KALRN: variants seen among roughly 807,000 people sequenced by gnomAD.
The protein encoded by KALRN is kalirin.
Under a neutral mutation model 353.7 loss-of-function variants are expected in KALRN, and 70 were observed. The ratio of observed to expected loss-of-function variants is 0.20; its 90% CI spans 0.16 to 0.24. KALRN has a LOEUF of 0.24. KALRN is among the 10% of genes least tolerant of loss of function. The pLI is 1.00. For missense variants in KALRN, 2,791 were observed against 3,756.7 expected, an observed-to-expected ratio of 0.74 and a Z score of 6.72; for synonymous variants, 1,391 against 1,434.8, an observed-to-expected ratio of 0.97 and a Z score of 0.69.
At chr3:124,603,544 G>GGTCATGCCA (rs2077023169) in intron 34 of KALRN, among the ~76,000 whole-genome samples, 1 of 152,040 alleles carries the variant, frequency 6.6e-6, no homozygotes, top group Admixed American at 6.5e-5. Flanking sequence ...TCTCCCTACA[G>GGTCATGCCA]GTCATGCCAA....
intron 25 of KALRN, among the ~76,000 whole-genome samples, chr3:124,466,161 C>T (rs2060329943): frequency 6.6e-6 from 1 of 151,880 alleles, no homozygotes; most frequent in South Asian, 2.1e-4. Context: ...CTTTAAAGAA[C>T]AGTTTAATAT....
Position 124,434,454 on chromosome 3 carries a change from C to T in KALRN, c.2977C>T (p.Leu993Phe), listed in dbSNP as rs753754354. 3 of 1,614,246 alleles carry T rather than the reference C, an allele frequency of 1.9e-6. No homozygotes were observed. The highest frequency in any genetic ancestry group is 1.1e-5 in the South Asian group (1 of 91,088). Residue 993 changes from leucine to phenylalanine, a missense_variant, in exon 17 of 60, where the codon CTC (leucine) becomes TTC (phenylalanine). Around this residue, in one of 11 missense-constraint regions of KALRN, gnomAD observed 452 missense variants for 575.8 expected, o/e 0.78. Transcript: ENST00000682506. ...GAAGGTGGCCCTCCACTGGCAGCAG[C>T]TCATGCTGAAGATGGAAGACCGGCT... Reference protein sequence around the residue: ...AEKVALHWQQLMLKMEDRLKL... With the variant: ...AEKVALHWQQFMLKMEDRLKL...
At chr3:124,540,104 T>C (rs143366487) in intron 33 of KALRN, among the ~76,000 whole-genome samples, 1 of 152,242 alleles carries the variant, frequency 6.6e-6, no homozygotes, top group African/African-American at 2.4e-5. Context: ...GTATTTTTTA[T>C]GAGACAGGGT....
chr3:124,141,417 G>T (rs1445673064), intron 1 of KALRN, among the ~76,000 whole-genome samples: 1 of 152,066 alleles, frequency 6.6e-6, no homozygotes, highest in African/African-American at 2.4e-5. Context: ...CATATTTTCT[G>T]CTTTTTCTCA....
At chr3:124,672,937 A>G (rs1157560197) in intron 48 of KALRN, among the ~76,000 whole-genome samples, 2 of 152,162 alleles carry the variant, frequency 1.3e-5, no homozygotes, top group African/African-American at 2.4e-5. Context: ...TTATTAGTTT[A>G]TATTGGTTAT....
intron 13 of KALRN, among the ~76,000 whole-genome samples, chr3:124,411,542 A>G (rs1480623298): frequency 7.0e-6 from 1 of 143,234 alleles, no homozygotes; most frequent in Non-Finnish European, 1.5e-5. Context: ...CCTGGGCTCA[A>G]GTGATTCTCC....
At chr3:124,452,672 G>A (rs1386907275) in intron 21 of KALRN, among the ~76,000 whole-genome samples, 1 of 152,026 alleles carries the variant, frequency 6.6e-6, no homozygotes, top group Admixed American at 6.5e-5. Flanking sequence ...GGTAGGTGGA[G>A]CCGCATGGGG....
rs771452399 is a variant in KALRN at position 124,430,693 on chromosome 3, A to G, written c.2747A>G (p.Asn916Ser). 23 of 1,614,046 alleles carry G rather than the reference A, an allele frequency of 1.4e-5. No individual in the cohort carries two copies. The East Asian group carries it at 2.9e-4, about 20-fold the overall frequency. The change falls in exon 16 of 60, where the codon AAC becomes AGC. Residue 916 changes from asparagine to serine, a missense_variant. Transcript: ENST00000682506. ...ATCCGCAATGGAGAGTCAATGCTCAACGCCAGCCTGGTCAATGCCAGCTCT... is the reference window on the plus strand; with the variant it reads ...ATCCGCAATGGAGAGTCAATGCTCAGCGCCAGCCTGGTCAATGCCAGCTCT... ...GWIRNGESML[N>S]ASLVNASSLS...
At chr3:124,640,407 C>G (rs904426514) in intron 37 of KALRN, among the ~76,000 whole-genome samples, 4 of 151,644 alleles carry the variant, frequency 2.6e-5, no homozygotes, top group Non-Finnish European at 5.9e-5. Context: ...ATGCCTCAGC[C>G]TCCTGAGTAG....
At chr3:124,378,856 C>T (rs948514343) in intron 10 of KALRN, among the ~76,000 whole-genome samples, 1 of 151,556 alleles carries the variant, frequency 6.6e-6, no homozygotes, top group African/African-American at 2.4e-5. Flanking sequence ...TTTTCTTTCC[C>T]TTTTTTGCCA....
intron 3 of KALRN, among the ~76,000 whole-genome samples, chr3:124,251,239 C>A (rs759371960): frequency 6.6e-6 from 1 of 152,046 alleles, no homozygotes; most frequent in African/African-American, 2.4e-5. Flanking sequence ...TGGAAGACTG[C>A]GTGCATTTGC....
At chr3:124,100,946 C>A (rs1413384301) in intron 1 of KALRN, among the ~76,000 whole-genome samples, 1 of 152,170 alleles carries the variant, frequency 6.6e-6, no homozygotes, top group Non-Finnish European at 1.5e-5. Context: ...CATCCTTTAA[C>A]ATGGATGTCA....
At chr3:124,147,076 A>T (rs1207726195) in intron 1 of KALRN, among the ~76,000 whole-genome samples, 1 of 152,130 alleles carries the variant, frequency 6.6e-6, no homozygotes, top group Non-Finnish European at 1.5e-5. Flanking sequence ...AATAGCGCTC[A>T]TCACCATCTT....
chr3:124,706,600 C>T (rs924456526), intron 57 of KALRN, among the ~76,000 whole-genome samples: 16 of 151,372 alleles, frequency 1.1e-4, no homozygotes, highest in African/African-American at 3.4e-4. Context: ...GACAGAGTCT[C>T]GCTCTGTCTC....
chr3:124,542,427 A>G (rs2069135901), intron 33 of KALRN, among the ~76,000 whole-genome samples: 1 of 152,206 alleles, frequency 6.6e-6, no homozygotes, highest in South Asian at 2.1e-4. Flanking sequence ...CGTAAAGCAT[A>G]TTATATTACC....
At position 124,630,379 on chromosome 3, in the gene KALRN, A is replaced by AGTGT. The variant is rs528998663; in HGVS notation, c.5183-2040_5183-2037dup. ...CGGGTGTAGACATGAAAGGCCCAGTAGTGTTTGTTTGTTTGTTTGTTTGTT... is the reference window on the plus strand; with the variant it reads ...CGGGTGTAGACATGAAAGGCCCAGTAGTGTGTGTTTGTTTGTTTGTTTGTTTGTT... On this transcript the variant is annotated intron_variant, in intron 34 of 59. Coordinates refer to ENST00000682506, the MANE Select transcript of KALRN (RefSeq NM_001388419.1). Among the ~76,000 whole-genome samples, 34 of 117,432 alleles carry AGTGT rather than the reference A, an allele frequency of 2.9e-4. No homozygotes were observed. In the East Asian group the frequency reaches 7.1e-3, roughly 25 times the overall value. 77.0% of individuals were successfully genotyped at this position (117,432 alleles called of 152,430 possible). A position where few individuals can be genotyped will look rare whatever the true frequency, so the allele number is the denominator to read the frequency against.
chr3:124,065,629 A>C (rs1005001138), intron 1 of KALRN, among the ~76,000 whole-genome samples: 1 of 65,970 alleles, frequency 1.5e-5, no homozygotes, highest in Non-Finnish European at 3.2e-5. Flanking sequence ...AACATTCCTT[A>C]GTTAAAAAAA....
chr3:124,347,002 G>C, intron 9 of KALRN, 141 bp from the exon 10 acceptor site: 1 of 1,222,272 alleles, frequency 8.2e-7, no homozygotes, highest in Non-Finnish European at 1.2e-6. Flanking sequence ...ACTCACAGCA[G>C]ATTGACCATT....
chr3:124,301,504 G>A lies in KALRN; in HGVS notation c.1092+2591G>A, dbSNP rs574564155. Among the ~76,000 whole-genome samples the A allele has an allele frequency of 3.6e-4, 55 of 152,284 alleles. 1 individual carries two copies. The highest frequency in any genetic ancestry group is 1.3e-3 in the African/African-American group (55 of 41,566). On this transcript the variant is annotated intron_variant, in intron 6 of 59. Coordinates refer to ENST00000682506, the MANE Select transcript of KALRN (RefSeq NM_001388419.1). Reference sequence around the variant, plus strand: ...TCTCCTCTCTGGCTTCAGGGTAAGGGAAGGGAAATCCCAGGGTTTTTGGAT... The same window carrying A: ...TCTCCTCTCTGGCTTCAGGGTAAGGAAAGGGAAATCCCAGGGTTTTTGGAT...
Sources: gnomAD v4.1 joint callset for allele counts (sites outside exome capture counted in the v4.1 genomes callset) on GRCh38, gnomAD v4.1.1 for gene constraint, gnomAD v4.1.1 regional missense constraint, MANE v1.5 for transcripts, NCBI Gene and HGNC (gene_info 2026-07-23, HGNC 2026-07-21) for gene names.